Variants in ANK3 observed in about 807,000 individuals in gnomAD.
ANK3 encodes the protein ankyrin 3, also known as ankyrin-3.
Under a neutral mutation model 370.9 loss-of-function variants are expected in ANK3, and 57 were observed. That is an observed-to-expected ratio of 0.15 (90% CI 0.12 to 0.19). The LOEUF (loss-of-function observed/expected upper bound fraction) is 0.19, where lower values mean the gene tolerates loss of function less well. Ranked by LOEUF, ANK3 falls within the 10% of genes least tolerant of loss-of-function variation. The pLI is 1.00. For synonymous variants in ANK3, 1,929 were observed against 1,946.3 expected, an observed-to-expected ratio of 0.99 and a Z score of 0.23; for missense variants, 4,439 against 5,302.1, an observed-to-expected ratio of 0.84 and a Z score of 5.06.
intron 2 of ANK3, among the ~76,000 whole-genome samples, chr10:60,441,037 C>T (rs1279141101): frequency 2.6e-5 from 4 of 151,930 alleles, no homozygotes; most frequent in Non-Finnish European, 4.4e-5. Flanking sequence ...GTATTGCCTA[C>T]GGGCAGGAGG....
At chr10:60,619,995 T>C (rs980708346) in intron 1 of ANK3, among the ~76,000 whole-genome samples, 3 of 152,166 alleles carry the variant, frequency 2.0e-5, no homozygotes, top group African/African-American at 7.2e-5. Context: ...TCTCTTCTGG[T>C]AACAAGCCAG....
intron 1 of ANK3, among the ~76,000 whole-genome samples, chr10:60,315,513 G>A (rs970046672): frequency 7.9e-5 from 12 of 151,972 alleles, no homozygotes; most frequent in Admixed American, 3.3e-4. Flanking sequence ...AAGTAAAAAC[G>A]GTCCAGAATC....
intron 2 of ANK3, among the ~76,000 whole-genome samples, chr10:60,556,351 C>T (rs1432588525): frequency 6.6e-6 from 1 of 152,058 alleles, no homozygotes; most frequent in Non-Finnish European, 1.5e-5. Context: ...TGTTCTGGAA[C>T]AGTTGACATG....
intron 1 of ANK3, among the ~76,000 whole-genome samples, chr10:60,373,140 G>A (rs2060328590): frequency 6.6e-6 from 1 of 152,108 alleles, no homozygotes; most frequent in Non-Finnish European, 1.5e-5. Flanking sequence ...ATAAAACAAT[G>A]GTGGGCTTTC....
rs560208150 is a variant in ANK3, at chr10:60,235,391, G to A, written c.799-605C>T. On this transcript the variant is annotated intron_variant, in intron 7 of 43. Coordinates refer to ENST00000280772, the MANE Select transcript of ANK3 (RefSeq NM_020987.5). Reference sequence around the variant, plus strand: ...TTGACAAATATTTGAAGAATAACCAGATTGTTAGGATTATCTGAAATTCTA... The same window carrying A: ...TTGACAAATATTTGAAGAATAACCAAATTGTTAGGATTATCTGAAATTCTA... 2.0e-5 allele frequency among the ~76,000 whole-genome samples: 3 copies of A among 152,244 alleles called. No homozygotes were observed. In the East Asian group the frequency reaches 5.8e-4, roughly 29 times the overall value.
At chr10:60,338,567 C>T (rs2053550875) in intron 1 of ANK3, among the ~76,000 whole-genome samples, 1 of 152,120 alleles carries the variant, frequency 6.6e-6, no homozygotes, top group South Asian at 2.1e-4. Context: ...GGTATGTCAA[C>T]ATGTATTGGG....
chr10:60,555,182 C>T (rs2077179403), intron 2 of ANK3, among the ~76,000 whole-genome samples: 1 of 152,062 alleles, frequency 6.6e-6, no homozygotes. Context: ...ATTGAAATTA[C>T]AAAACTTGGC....
At chr10:60,663,357 C>G (rs1480581526) in intron 1 of ANK3, among the ~76,000 whole-genome samples, 1 of 152,160 alleles carries the variant, frequency 6.6e-6, no homozygotes, top group East Asian at 1.9e-4. Flanking sequence ...GTCCCCAAGC[C>G]CCTCGTCTCT....
chr10:60,395,116 T>G (rs1456772882), intron 2 of ANK3, among the ~76,000 whole-genome samples: 3 of 152,170 alleles, frequency 2.0e-5, no homozygotes, highest in African/African-American at 7.2e-5. Flanking sequence ...TTGGAACAAT[T>G]TGGATATGCA....
rs1015778641 is a variant in ANK3 at position 60,027,918 on chromosome 10, G to C, written c.*1928C>G. 1.3e-5 allele frequency: 2 copies of C among 152,136 alleles called. No individual in the cohort carries two copies. The highest frequency in any genetic ancestry group is 2.9e-5 in the Non-Finnish European group (2 of 68,020). The allele number at this position is 152,136 out of a possible 1,614,324, so 9.4% of individuals were successfully genotyped here. ...GGGCAGGGACAACTTGGCTCTAGCA[G>C]GTTGTTACCTTCTGGGAATGAGGTC... is the stretch of plus-strand genomic sequence containing the variant. On this transcript the variant is annotated 3_prime_UTR_variant, in exon 44 of 44. Transcript: ENST00000280772.
intron 1 of ANK3, among the ~76,000 whole-genome samples, chr10:60,634,754 G>A (rs1306496721): frequency 6.6e-6 from 1 of 151,926 alleles, no homozygotes; most frequent in African/African-American, 2.4e-5. Flanking sequence ...GAGAAGGTCC[G>A]CAGCTTCACT....
chr10:60,151,671 C>T (rs1057379602), intron 23 of ANK3, among the ~76,000 whole-genome samples: 1 of 152,198 alleles, frequency 6.6e-6, no homozygotes, highest in African/African-American at 2.4e-5. Flanking sequence ...AAATAAACCT[C>T]TTTTCATTAT....
chr10:60,128,091 C>T (rs112710878), intron 25 of ANK3, among the ~76,000 whole-genome samples: 6,711 of 152,200 alleles, frequency 0.044, 486 homozygotes, highest in African/African-American at 0.15. Flanking sequence ...TAGAAATAAA[C>T]GTTAACAAAG....
At chr10:60,635,126 A>T (rs2078536426) in intron 1 of ANK3, among the ~76,000 whole-genome samples, 1 of 152,178 alleles carries the variant, frequency 6.6e-6, no homozygotes, top group Non-Finnish European at 1.5e-5. Flanking sequence ...AACCTTAATG[A>T]TTCAGGAGTT....
intron 35 of ANK3, chr10:60,081,604 C>A: frequency 2.7e-6 from 1 of 374,768 alleles, no homozygotes. Context: ...TTTTGTATCA[C>A]ATACAACATA....
chr10:60,170,650 C>T lies in ANK3; in HGVS notation c.2478+1658G>A, dbSNP rs1379176336. ...GTGTCTTCTCTCTTTTGCAGAAAGT[C>T]ATCAACAAGGACAGCTGATGATGTT... On this transcript the variant is annotated intron_variant, in intron 21 of 43. Transcript: ENST00000280772. 7.2e-5 allele frequency among the ~76,000 whole-genome samples: 11 copies of T among 152,308 alleles called. No individual in the cohort carries two copies. In the East Asian group the frequency reaches 2.1e-3, roughly 29 times the overall value.
At chr10:60,166,441 G>T in intron 23 of ANK3, 150 bp downstream of exon 23, 1 of 647,124 alleles carries the variant, frequency 1.5e-6, no homozygotes. Context: ...AGTAGTACCA[G>T]ATATACATTA....
intron 7 of ANK3, among the ~76,000 whole-genome samples, chr10:60,242,467 T>A (rs1214748907): frequency 2.0e-5 from 3 of 152,096 alleles, no homozygotes; most frequent in African/African-American, 7.2e-5. Flanking sequence ...TACAGAAAAA[T>A]TTTAATAATG....
chr10:60,226,316 ATACTAT>A (rs1304117306), intron 8 of ANK3, among the ~76,000 whole-genome samples: 15 of 107,338 alleles, frequency 1.4e-4, no homozygotes, highest in African/African-American at 5.5e-4. Context: ...AATACTATAT[ATACTAT>A]GTATATATAC....
Sources: gnomAD v4.1 joint callset for allele counts (sites outside exome capture counted in the v4.1 genomes callset) on GRCh38, gnomAD v4.1.1 for gene constraint, MANE v1.5 for transcripts, NCBI Gene and HGNC (gene_info 2026-07-23, HGNC 2026-07-21) for gene names.